PLA2G4A: variants seen among roughly 807,000 people sequenced by gnomAD.
PLA2G4A encodes cytosolic phospholipase A2.
A neutral mutation model predicts 81.9 loss-of-function variants in PLA2G4A; 40 were observed. The ratio of observed to expected loss-of-function variants is 0.49; its 90% CI spans 0.38 to 0.64. The LOEUF is 0.64. Ranked by LOEUF, PLA2G4A falls within the 30% of genes least tolerant of loss-of-function variation. The pLI is 0.00. For missense variants in PLA2G4A, 715 were observed against 905.1 expected (o/e 0.79, Z 2.69); for synonymous variants, 302 against 296.9 (o/e 1.02, Z -0.18).
chr1:186,869,658 A>G (rs745539792), intron 2 of PLA2G4A, among the ~76,000 whole-genome samples: 1 of 152,214 alleles, frequency 6.6e-6, no homozygotes, highest in Non-Finnish European at 1.5e-5. Context: ...CAACCAGTTA[A>G]GCAAGCCTAC....
At chr1:186,906,853 T>G (rs749673848) in intron 5 of PLA2G4A, 112 bp from the exon 6 acceptor site, 110 of 651,926 alleles carry the variant, frequency 1.7e-4, no homozygotes, top group Non-Finnish European at 1.9e-5. Flanking sequence ...TTTAGGGTTT[T>G]GTTTTTTTGA....
intron 6 of PLA2G4A, among the ~76,000 whole-genome samples, chr1:186,908,084 A>G (rs1349209930): frequency 6.6e-6 from 1 of 152,094 alleles, no homozygotes; most frequent in Non-Finnish European, 1.5e-5. Flanking sequence ...TAGAACAGAA[A>G]TTGTTTTCAA....
chr1:186,949,394 GAA>G (rs1553219106), intron 12 of PLA2G4A, among the ~76,000 whole-genome samples: 3 of 17,494 alleles, frequency 1.7e-4, no homozygotes, highest in South Asian at 3.5e-3. Flanking sequence ...AAAGAAAAAA[GAA>G]AAAGAAAGAA....
At chr1:186,968,049 G>C (rs1039775294) in intron 15 of PLA2G4A, among the ~76,000 whole-genome samples, 1 of 152,078 alleles carries the variant, frequency 6.6e-6, no homozygotes, top group African/African-American at 2.4e-5. Context: ...AAACAATGGG[G>C]AGGTGGGTTT....
At chr1:186,849,254 G>A (rs750082332) in intron 1 of PLA2G4A, among the ~76,000 whole-genome samples, 2 of 152,014 alleles carry the variant, frequency 1.3e-5, no homozygotes, top group African/African-American at 4.8e-5. Flanking sequence ...TTCGGCACTA[G>A]GGATGTCTCT....
rs958344269 is a variant in PLA2G4A, at chr1:186,878,015, A to G, written c.115+7499A>G. On this transcript the variant is annotated intron_variant, in intron 3 of 17. Transcript: ENST00000367466. ...TTAATTAATCTTTTTTACATTAATT[A>G]TGGAGTTTCAAATCTTATTTTTTAT... Among the ~76,000 whole-genome samples the G allele has an allele frequency of 5.2e-4, 78 of 149,688 alleles. 1 individual carries two copies. Among genetic ancestry groups the G allele is most frequent in the African/African-American group, 1.8e-3 (73 of 41,216 alleles).
At chr1:186,974,479 A>G (rs569122811) in intron 15 of PLA2G4A, among the ~76,000 whole-genome samples, 2 of 152,334 alleles carry the variant, frequency 1.3e-5, no homozygotes, top group Admixed American at 6.5e-5. Context: ...TGGGCAGCAG[A>G]GTGAGACTCT....
intron 2 of PLA2G4A, among the ~76,000 whole-genome samples, chr1:186,857,141 A>AATTATATAATATTCTATAATTAT (rs1652595709): frequency 4.2e-4 from 16 of 38,354 alleles, no homozygotes; most frequent in Admixed American, 7.5e-4. Context: ...TATATTATAT[A>AATTATATAATATTCTATAATTAT]ATTATATAAT....
chr1:186,976,032 T>C (rs1199399720), intron 15 of PLA2G4A, among the ~76,000 whole-genome samples: 3 of 152,260 alleles, frequency 2.0e-5, no homozygotes, highest in Non-Finnish European at 4.4e-5. Flanking sequence ...ACAAATACTC[T>C]GAGGAAATTG....
chr1:186,874,806 A>C (rs1571355335), intron 3 of PLA2G4A, among the ~76,000 whole-genome samples: 3 of 152,254 alleles, frequency 2.0e-5, no homozygotes, highest in Admixed American at 2.0e-4. Context: ...GATCGTATTA[A>C]TATCTTAACA....
At chr1:186,921,576 T>TTC (rs1655353186) in intron 7 of PLA2G4A, among the ~76,000 whole-genome samples, 1 of 152,138 alleles carries the variant, frequency 6.6e-6, no homozygotes, top group Admixed American at 6.5e-5. Flanking sequence ...ACGGAGAAGT[T>TTC]TCTCCTGTGG....
chr1:186,843,497 A>G (rs1481628587), intron 1 of PLA2G4A, among the ~76,000 whole-genome samples: 1 of 152,234 alleles, frequency 6.6e-6, no homozygotes, highest in Non-Finnish European at 1.5e-5. Flanking sequence ...CAGGGAGAAG[A>G]CAGAACTTCC....
chr1:186,944,130 C>T (rs776358389), intron 10 of PLA2G4A, among the ~76,000 whole-genome samples: 2 of 151,900 alleles, frequency 1.3e-5, no homozygotes, highest in East Asian at 1.9e-4. Context: ...TAAGCTGGCC[C>T]GGGAAGAAGG....
intron 2 of PLA2G4A, among the ~76,000 whole-genome samples, chr1:186,857,016 G>A (rs1314286394): frequency 3.3e-5 from 4 of 120,730 alleles, no homozygotes; most frequent in Admixed American, 9.1e-5. Flanking sequence ...GATCTGACCA[G>A]GCCTTATTAC....
At chr1:186,894,573 G>A (rs186588123) in intron 5 of PLA2G4A, among the ~76,000 whole-genome samples, 2 of 152,268 alleles carry the variant, frequency 1.3e-5, no homozygotes, top group Admixed American at 1.3e-4. Flanking sequence ...GAGAGAGAGA[G>A]AGAGAGAACA....
At chr1:186,908,975 T>C (rs59504853) in intron 6 of PLA2G4A, among the ~76,000 whole-genome samples, 53 of 132,374 alleles carry the variant, frequency 4.0e-4, no homozygotes, top group Non-Finnish European at 5.8e-4. Flanking sequence ...TTTCTTTTTT[T>C]TTTTTTTTTT....
In PLA2G4A at chr1:186,973,978, A is replaced by G. The variant is rs1377207458; in HGVS notation, c.1765-3615A>G. Among the ~76,000 whole-genome samples the G allele has an allele frequency of 3.3e-5, 5 of 152,100 alleles. No homozygotes were observed. In the East Asian group the frequency reaches 7.7e-4, roughly 23 times the overall value. The stretch of plus-strand genomic sequence containing the variant: ...AGAAACATTGTAGAATAGAAAGCAC[A>G]TATTCTTGGTTTGCATAGAGACAAA... On this transcript the variant is annotated intron_variant, in intron 15 of 17. Coordinates refer to ENST00000367466, the MANE Select transcript of PLA2G4A (RefSeq NM_024420.3).
chr1:186,863,479 A>T (rs1296294268), intron 2 of PLA2G4A, among the ~76,000 whole-genome samples: 1 of 152,144 alleles, frequency 6.6e-6, no homozygotes, highest in African/African-American at 2.4e-5. Flanking sequence ...TACATTTATC[A>T]CATCTTTGTG....
intron 3 of PLA2G4A, 71 bp downstream of exon 3, chr1:186,870,587 G>A: frequency 1.6e-6 from 2 of 1,228,608 alleles, no homozygotes; most frequent in Non-Finnish European, 2.4e-6. Flanking sequence ...TGAGTTCCTT[G>A]ACAAATCGGA....
Sources: gnomAD v4.1 joint callset for allele counts (sites outside exome capture counted in the v4.1 genomes callset) on GRCh38, gnomAD v4.1.1 for gene constraint, MANE v1.5 for transcripts, NCBI Gene and HGNC (gene_info 2026-07-23, HGNC 2026-07-21) for gene names.